Variants in FTCDNL1 observed in about 807,000 individuals in gnomAD.
FTCDNL1 encodes the protein formiminotransferase N-terminal subdomain-containing protein.
Under a neutral mutation model 5.9 loss-of-function variants are expected in FTCDNL1, and 11 were observed. The ratio of observed to expected loss-of-function variants is 1.87; its 90% CI spans 1.18 to 3.10. The LOEUF (loss-of-function observed/expected upper bound fraction) is 3.10. Ranked by LOEUF, FTCDNL1 falls within the 30% of genes most tolerant of loss-of-function variation. The probability of loss-of-function intolerance (pLI) is 0.00; values close to 1 mark genes in which losing one functional copy is unlikely to be tolerated. For missense variants in FTCDNL1, 115 were observed against 65.5 expected (o/e 1.76, Z -2.61); for synonymous variants, 58 against 24.8 (o/e 2.34, Z -3.99).
the FTCDNL1 span, among the ~76,000 whole-genome samples, chr2:199,710,789 G>C: frequency 6.6e-6 from 1 of 152,048 alleles, no homozygotes; most frequent in Non-Finnish European, 1.5e-5. Flanking sequence ...CTATGAACTT[G>C]AATCATCAGT....
intron 3 of FTCDNL1, among the ~76,000 whole-genome samples, chr2:199,783,456 A>G (rs552401884): frequency 3.3e-5 from 5 of 152,208 alleles, no homozygotes; most frequent in African/African-American, 4.8e-5. Flanking sequence ...ATTGGCCATC[A>G]TAATTCTAAT....
intron 3 of FTCDNL1, among the ~76,000 whole-genome samples, chr2:199,776,211 T>C (rs934419447): frequency 6.6e-6 from 1 of 152,114 alleles, no homozygotes; most frequent in Non-Finnish European, 1.5e-5. Flanking sequence ...AATCCTGAGA[T>C]AAGATAGGAA....
chr2:199,761,817 T>C (rs937045100), intron 3 of FTCDNL1, among the ~76,000 whole-genome samples: 5 of 152,186 alleles, frequency 3.3e-5, no homozygotes, highest in African/African-American at 1.2e-4. Context: ...ACATGTCTGT[T>C]CTGACTTTTC....
At chr2:199,803,512 G>A (rs774557881) in intron 3 of FTCDNL1, among the ~76,000 whole-genome samples, 32 of 152,130 alleles carry the variant, frequency 2.1e-4, no homozygotes, top group Non-Finnish European at 1.0e-4. Flanking sequence ...CTCTGTCACC[G>A]AGGATAGAAT....
the FTCDNL1 span, among the ~76,000 whole-genome samples, chr2:199,695,904 G>A: frequency 0.66 from 99,689 of 151,788 alleles, 36,145 homozygotes; most frequent in South Asian, 0.9. Flanking sequence ...GACAGAACAG[G>A]GCTATCTTGC....
At chr2:199,784,030 C>T (rs1368927856) in intron 3 of FTCDNL1, among the ~76,000 whole-genome samples, 1 of 152,130 alleles carries the variant, frequency 6.6e-6, no homozygotes, top group African/African-American at 2.4e-5. Flanking sequence ...GAGGCCCTAA[C>T]CTCAGGGTAG....
At chr2:199,736,796 C>T in the FTCDNL1 span, among the ~76,000 whole-genome samples, 8 of 152,216 alleles carry the variant, frequency 5.3e-5, no homozygotes, top group Non-Finnish European at 1.2e-4. Context: ...GCTACCCATA[C>T]ACTGAGTTCA....
chr2:199,729,388 A>G, the FTCDNL1 span, among the ~76,000 whole-genome samples: 489 of 152,320 alleles, frequency 3.2e-3, 6 homozygotes, highest in African/African-American at 0.012. Flanking sequence ...AAGGTGTTCA[A>G]ATAGGAAGAC....
chr2:199,712,172 A>T, the FTCDNL1 span, among the ~76,000 whole-genome samples: 3 of 152,192 alleles, frequency 2.0e-5, no homozygotes, highest in Non-Finnish European at 4.4e-5. Context: ...CATGGAATAA[A>T]CTTCAGGGAT....
chr2:199,675,549 T>C, the FTCDNL1 span, among the ~76,000 whole-genome samples: 3,695 of 152,154 alleles, frequency 0.024, 144 homozygotes, highest in African/African-American at 0.084. Context: ...AAAATAGAAA[T>C]TGATTTTTTT....
At chr2:199,692,020 A>C in the FTCDNL1 span, among the ~76,000 whole-genome samples, 1 of 152,232 alleles carries the variant, frequency 6.6e-6, no homozygotes, top group Non-Finnish European at 1.5e-5. Context: ...GGTACATTTT[A>C]TACTGTTATC....
chr2:199,848,188 A>G (rs2076779940), intron 2 of FTCDNL1, among the ~76,000 whole-genome samples: 1 of 152,238 alleles, frequency 6.6e-6, no homozygotes, highest in Non-Finnish European at 1.5e-5. Context: ...TCACCACAGG[A>G]ACATTTTAAA....
intron 3 of FTCDNL1, among the ~76,000 whole-genome samples, chr2:199,800,168 A>G (rs1700372639): frequency 6.6e-6 from 1 of 152,196 alleles, no homozygotes; most frequent in South Asian, 2.1e-4. Flanking sequence ...TGAGGAAATG[A>G]CATTGTCACT....
chr2:199,720,350 G>A, the FTCDNL1 span, among the ~76,000 whole-genome samples: 1 of 152,170 alleles, frequency 6.6e-6, no homozygotes, highest in Non-Finnish European at 1.5e-5. Flanking sequence ...GAGCACCACA[G>A]ATTAATATTA....
the FTCDNL1 span, among the ~76,000 whole-genome samples, chr2:199,672,175 A>G: frequency 5.9e-5 from 9 of 152,046 alleles, no homozygotes; most frequent in Non-Finnish European, 4.4e-5. Context: ...CTCCTTCTCT[A>G]TCCGTCTTCC....
the FTCDNL1 span, among the ~76,000 whole-genome samples, chr2:199,723,278 T>C: frequency 1.3e-5 from 2 of 152,154 alleles, no homozygotes; most frequent in Non-Finnish European, 2.9e-5. Flanking sequence ...TTAAGAAGTT[T>C]TTGGGCTGAG....
chr2:199,718,467 T>C, the FTCDNL1 span, among the ~76,000 whole-genome samples: 1 of 152,194 alleles, frequency 6.6e-6, no homozygotes, highest in African/African-American at 2.4e-5. Context: ...ACACGTAGGT[T>C]GATTCCATGT....
intron 3 of FTCDNL1, among the ~76,000 whole-genome samples, chr2:199,778,511 C>T (rs1158492716): frequency 6.6e-6 from 1 of 152,126 alleles, no homozygotes; most frequent in Non-Finnish European, 1.5e-5. Context: ...CACTTTCGGC[C>T]CCTTTAAGCC....
chr2:199,673,654 A>AAAATTAG, the FTCDNL1 span, among the ~76,000 whole-genome samples: 1 of 152,202 alleles, frequency 6.6e-6, no homozygotes, highest in East Asian at 1.9e-4. Context: ...TGACAACTGC[A>AAAATTAG]AAATTAGATG....
Sources: gnomAD v4.1 joint callset for allele counts (sites outside exome capture counted in the v4.1 genomes callset) on GRCh38, gnomAD v4.1.1 for gene constraint, MANE v1.5 for transcripts, NCBI Gene and HGNC (gene_info 2026-07-23, HGNC 2026-07-21) for gene names.